The following TMEM266 variants were observed in gnomAD, a reference collection of about 807,000 sequenced individuals.
The protein encoded by TMEM266 is transmembrane protein 266, also known as Hv1 related protein 1.
TMEM266 carries 33 observed loss-of-function variants against 50.5 expected under a neutral mutation model. The observed-to-expected ratio is 0.65, with a 90% CI of 0.50 to 0.87. The LOEUF (loss-of-function observed/expected upper bound fraction) is 0.87. Among genes scored for constraint, TMEM266 ranks in the 40% least tolerant of loss-of-function variants. TMEM266 has a pLI of 0.00. For synonymous variants in TMEM266, 310 were observed against 292.3 expected (o/e 1.06, Z -0.62); for missense variants, 655 against 695.1 (o/e 0.94, Z 0.65).
chr15:76,131,493 G>C (rs2037509617), intron 1 of TMEM266, among the ~76,000 whole-genome samples: 1 of 152,226 alleles, frequency 6.6e-6, no homozygotes, highest in South Asian at 2.1e-4. Flanking sequence ...TTCATTGTCA[G>C]TTGGGTTTAG....
Position 76,192,105 on chromosome 15 carries a change from G to T in TMEM266, c.906G>T (p.Trp302Cys). The change falls in exon 9 of 11, where the codon TGG becomes TGT. Residue 302 changes from tryptophan to cysteine, a missense_variant. Physicochemically the swap from Trp to Cys is radical, Grantham distance 215 (BLOSUM62 -2). This residue lies in a region of TMEM266 where 455 missense variants were observed against 401.8 expected (regional missense o/e 1.13). Transcript: ENST00000388942. ...TCAAAGTGTTGGAGGCCGGCACGTGGGACGAGGAGACGGCGGCCGAGAGCG... is the reference window on the plus strand; with the variant it reads ...TCAAAGTGTTGGAGGCCGGCACGTGTGACGAGGAGACGGCGGCCGAGAGCG... 7.0e-7 allele frequency: 1 copy of T among 1,427,592 alleles called. No homozygotes were observed. The allele number at this position is 1,427,592 out of a possible 1,614,324, so 88.4% of individuals were successfully genotyped here.
At chr15:76,125,893 G>C (rs1312283189) in intron 1 of TMEM266, among the ~76,000 whole-genome samples, 2 of 149,980 alleles carry the variant, frequency 1.3e-5, no homozygotes, top group Non-Finnish European at 3.0e-5. Flanking sequence ...GATGGCAAAG[G>C]TCCTGAATAA....
chr15:76,088,439 G>C (rs1341798310), intron 1 of TMEM266, among the ~76,000 whole-genome samples: 1 of 152,142 alleles, frequency 6.6e-6, no homozygotes, highest in Non-Finnish European at 1.5e-5. Flanking sequence ...GATCCCTTGA[G>C]CCCAGGAGTT....
chr15:76,141,127 T>C (rs972982663), intron 3 of TMEM266, among the ~76,000 whole-genome samples: 1 of 152,202 alleles, frequency 6.6e-6, no homozygotes, highest in Non-Finnish European at 1.5e-5. Flanking sequence ...GGGCTTCCAC[T>C]TCTCAGCCTT....
intron 9 of TMEM266, among the ~76,000 whole-genome samples, chr15:76,199,656 C>T (rs1011953423): frequency 8.5e-5 from 13 of 152,192 alleles, no homozygotes; most frequent in Non-Finnish European, 1.9e-4. Context: ...GATCTCGGGG[C>T]ACTTGGCACA....
chr15:76,131,963 G>A (rs753000993), intron 1 of TMEM266, among the ~76,000 whole-genome samples: 15 of 152,098 alleles, frequency 9.9e-5, no homozygotes, highest in Non-Finnish European at 2.1e-4. Flanking sequence ...ATTACACATT[G>A]CTTAAAGGAA....
intron 3 of TMEM266, among the ~76,000 whole-genome samples, chr15:76,144,694 C>A (rs1215367725): frequency 6.6e-6 from 1 of 152,184 alleles, no homozygotes; most frequent in African/African-American, 2.4e-5. Context: ...CCATCATCTG[C>A]CTCTCCCTCC....
rs1159316974 is a variant in TMEM266, at chr15:76,161,741, G to A, written c.456+1573G>A. The stretch of plus-strand genomic sequence containing the variant: ...ATTGCCCTGGAGGTGCCTCTGCCCC[G>A]CAGAGCAGAGTGCCTGCTCCCCAGC... On this transcript the variant is annotated intron_variant, in intron 5 of 10. Transcript: ENST00000388942. This position sits in a 1 kb window ranked among gnomAD's most constrained non-coding sequence, Gnocchi z 4.1. Among the ~76,000 whole-genome samples the A allele has an allele frequency of 2.6e-5, 4 of 152,130 alleles. No individual in the cohort carries two copies. The highest frequency in any genetic ancestry group is 6.5e-5 in the Admixed American group (1 of 15,286).
At chr15:76,129,028 T>C (rs2037464593) in intron 1 of TMEM266, among the ~76,000 whole-genome samples, 1 of 152,140 alleles carries the variant, frequency 6.6e-6, no homozygotes, top group Non-Finnish European at 1.5e-5. Flanking sequence ...ATTTTCCTTC[T>C]TTGCTTATAT....
At chr15:76,184,001 C>A (rs1286065702) in intron 8 of TMEM266, among the ~76,000 whole-genome samples, 2 of 152,204 alleles carry the variant, frequency 1.3e-5, no homozygotes, top group Non-Finnish European at 2.9e-5. Flanking sequence ...GTTTTCTGGA[C>A]CCCTGAGAGA....
At chr15:76,084,402 A>G (rs2036740357) in intron 1 of TMEM266, among the ~76,000 whole-genome samples, 1 of 152,318 alleles carries the variant, frequency 6.6e-6, no homozygotes. Flanking sequence ...GGCAGCAGGA[A>G]GGGTTTATAC....
intron 1 of TMEM266, among the ~76,000 whole-genome samples, chr15:76,063,298 A>G (rs1174693082): frequency 6.6e-6 from 1 of 152,238 alleles, no homozygotes; most frequent in African/African-American, 2.4e-5. Flanking sequence ...CCTAAGGGGC[A>G]GAGCCAAGAT....
At chr15:76,107,126 A>C (rs1596108512) in intron 1 of TMEM266, among the ~76,000 whole-genome samples, 2 of 152,278 alleles carry the variant, frequency 1.3e-5, no homozygotes, top group African/African-American at 4.8e-5. Flanking sequence ...CATTTTAAAA[A>C]GTGAAAAGAA....
At chr15:76,096,872 T>A (rs963027573) in intron 1 of TMEM266, among the ~76,000 whole-genome samples, 7 of 151,934 alleles carry the variant, frequency 4.6e-5, no homozygotes, top group Non-Finnish European at 5.9e-5. Context: ...GCCCTTTTTT[T>A]CTCTTTTGGT....
intron 7 of TMEM266, among the ~76,000 whole-genome samples, chr15:76,174,047 T>C (rs1171026232): frequency 6.6e-6 from 1 of 152,166 alleles, no homozygotes. Context: ...CTTCTGTTTT[T>C]CTGTTTTGTT....
chr15:76,200,291 C>T (rs2038725238), intron 9 of TMEM266, among the ~76,000 whole-genome samples: 2 of 152,174 alleles, frequency 1.3e-5, no homozygotes, highest in Non-Finnish European at 2.9e-5. Context: ...CCTCCAGTCC[C>T]TTCGCACTCC....
intron 1 of TMEM266, among the ~76,000 whole-genome samples, chr15:76,123,236 C>T: frequency 6.6e-6 from 1 of 152,116 alleles, no homozygotes; most frequent in East Asian, 1.9e-4. Flanking sequence ...ATTTTAGCTC[C>T]TTGTTAATGG....
chr15:76,204,275 A>G lies in TMEM266; in HGVS notation c.1556A>G (p.Glu519Gly), dbSNP rs778584893. Residue 519 changes from glutamate (E) to glycine (G), a missense_variant, in exon 11 of 11, where the codon GAA (glutamate) becomes GGA (glycine). Glu to Gly is a moderately conservative substitution (Grantham distance 98, BLOSUM62 -2). This residue lies in a region of TMEM266 where 455 missense variants were observed against 401.8 expected (regional missense o/e 1.13). Transcript: ENST00000388942. ...CTGGAGGACAAGTTCAGATCTTTGG[A>G]ATCCAAAGAGCAAAAGCTGCACAGG... 6.2e-7 allele frequency: 1 copy of G among 1,612,678 alleles called. No individual in the cohort carries two copies. Among genetic ancestry groups the G allele is most frequent in the Non-Finnish European group, 8.5e-7 (1 of 1,179,040 alleles).
At chr15:76,069,547 G>C (rs1177524888) in intron 1 of TMEM266, among the ~76,000 whole-genome samples, 1 of 152,132 alleles carries the variant, frequency 6.6e-6, no homozygotes, top group Non-Finnish European at 1.5e-5. Flanking sequence ...GGCCGGGTGT[G>C]GTGGCTCACA....
Sources: allele counts gnomAD v4.1 joint callset (sites outside exome capture counted in the v4.1 genomes callset), GRCh38; gene constraint gnomAD v4.1.1; regional missense constraint gnomAD v4.1.1; non-coding constraint Gnocchi (gnomAD v3.1); transcripts MANE v1.5; gene names NCBI Gene and HGNC (gene_info 2026-07-23, HGNC 2026-07-21).